Variants in FGF12 observed in about 807,000 individuals in gnomAD.
FGF12 encodes fibroblast growth factor 12B.
Under a neutral mutation model 23.6 loss-of-function variants are expected in FGF12, and 14 were observed. The ratio of observed to expected loss-of-function variants is 0.59; its 90% CI spans 0.39 to 0.93. The LOEUF is 0.93. Among genes scored for constraint, FGF12 ranks in the 40% least tolerant of loss-of-function variants. FGF12 has a pLI of 0.00. For missense variants in FGF12, 175 were observed against 217.8 expected (o/e 0.80, Z 1.24); for synonymous variants, 62 against 77.3 (o/e 0.80, Z 1.04).
intron 4 of FGF12, among the ~76,000 whole-genome samples, chr3:192,201,629 C>T (rs1717371847): frequency 6.6e-6 from 1 of 151,984 alleles, no homozygotes; most frequent in Non-Finnish European, 1.5e-5. Flanking sequence ...CTGTATACCA[C>T]CACCATCAGC....
At chr3:192,458,345 C>T (rs188973451) in intron 2 of FGF12, among the ~76,000 whole-genome samples, 10 of 152,322 alleles carry the variant, frequency 6.6e-5, no homozygotes, top group Non-Finnish European at 2.9e-5. Flanking sequence ...GCTGCAGACA[C>T]TCAATGCCAG....
chr3:192,424,087 A>C (rs1200057749), intron 2 of FGF12, among the ~76,000 whole-genome samples: 2 of 36,998 alleles, frequency 5.4e-5, no homozygotes, highest in Non-Finnish European at 1.6e-4. Flanking sequence ...TAAAGTCTTC[A>C]AAAAAAAAAA....
chr3:192,585,058 C>G (rs1404291643), intron 2 of FGF12, among the ~76,000 whole-genome samples: 4 of 152,234 alleles, frequency 2.6e-5, no homozygotes, highest in African/African-American at 9.6e-5. Context: ...CAGGTTTATT[C>G]TGCTGCATTC....
At chr3:192,590,720 T>C (rs1398323267) in intron 2 of FGF12, among the ~76,000 whole-genome samples, 1 of 151,958 alleles carries the variant, frequency 6.6e-6, no homozygotes, top group Non-Finnish European at 1.5e-5. Context: ...ATCTAGCAGA[T>C]AATCACATGG....
At chr3:192,306,479 A>G (rs1715657642) in intron 4 of FGF12, among the ~76,000 whole-genome samples, 1 of 152,144 alleles carries the variant, frequency 6.6e-6, no homozygotes, top group Non-Finnish European at 1.5e-5. Context: ...GAAGCGGGGC[A>G]TGGTGGCTCA....
chr3:192,690,417 G>A (rs1717904272), intron 2 of FGF12, among the ~76,000 whole-genome samples: 1 of 151,860 alleles, frequency 6.6e-6, no homozygotes, highest in South Asian at 2.1e-4. Flanking sequence ...ATAAAATGTG[G>A]GGAAATGGTA....
chr3:192,568,090 C>T (rs1712424997), intron 2 of FGF12, among the ~76,000 whole-genome samples: 1 of 152,054 alleles, frequency 6.6e-6, no homozygotes, highest in Non-Finnish European at 1.5e-5. Flanking sequence ...GCCTGGGCCT[C>T]CCAAAGTGCT....
chr3:192,685,060 T>C (rs1717682696), intron 2 of FGF12, among the ~76,000 whole-genome samples: 2 of 149,524 alleles, frequency 1.3e-5, no homozygotes, highest in Admixed American at 6.7e-5. Context: ...AGTTAGTATC[T>C]TTTTTTTTTG....
At chr3:192,598,686 A>G (rs1440578674) in intron 2 of FGF12, among the ~76,000 whole-genome samples, 1 of 152,244 alleles carries the variant, frequency 6.6e-6, no homozygotes, top group Non-Finnish European at 1.5e-5. Flanking sequence ...TGATAACCCT[A>G]GAGCACATGG....
At chr3:192,558,215 A>T (rs1711868287) in intron 2 of FGF12, among the ~76,000 whole-genome samples, 1 of 151,892 alleles carries the variant, frequency 6.6e-6, no homozygotes, top group Non-Finnish European at 1.5e-5. Context: ...AAAAACAGAG[A>T]TAATAAATTC....
chr3:192,608,478 C>A (rs1234310929), intron 2 of FGF12, among the ~76,000 whole-genome samples: 2 of 152,028 alleles, frequency 1.3e-5, no homozygotes, highest in African/African-American at 2.4e-5. Flanking sequence ...GGAATATGTA[C>A]CAAATTTGAC....
intron 2 of FGF12, among the ~76,000 whole-genome samples, chr3:192,539,561 A>C (rs1258224620): frequency 6.6e-6 from 1 of 151,978 alleles, no homozygotes; most frequent in Non-Finnish European, 1.5e-5. Context: ...TATTTTGTTG[A>C]TGGTTTTTGC....
intron 4 of FGF12, among the ~76,000 whole-genome samples, chr3:192,188,316 A>G (rs1284459990): frequency 6.6e-6 from 1 of 152,140 alleles, no homozygotes; most frequent in Non-Finnish European, 1.5e-5. Flanking sequence ...TTACAGGTTA[A>G]TGGGGATTAC....
intron 5 of FGF12, among the ~76,000 whole-genome samples, chr3:192,163,951 T>C (rs1715018357): frequency 6.6e-6 from 1 of 152,102 alleles, no homozygotes; most frequent in Non-Finnish European, 1.5e-5. Flanking sequence ...TCTCAAATGA[T>C]TCTTAGTTAT....
At chr3:192,346,934 T>G (rs1003531660) in intron 3 of FGF12, among the ~76,000 whole-genome samples, 1 of 152,076 alleles carries the variant, frequency 6.6e-6, no homozygotes, top group Non-Finnish European at 1.5e-5. Flanking sequence ...TGTATAACTT[T>G]GACTCAAAGT....
chr3:192,517,520 G>C (rs967876354), intron 2 of FGF12, among the ~76,000 whole-genome samples: 1 of 152,166 alleles, frequency 6.6e-6, no homozygotes, highest in Non-Finnish European at 1.5e-5. Flanking sequence ...TGATTCTTAT[G>C]ACCAGAGAGG....
chr3:192,239,282 A>G (rs1719471264), intron 4 of FGF12, among the ~76,000 whole-genome samples: 1 of 152,164 alleles, frequency 6.6e-6, no homozygotes, highest in Non-Finnish European at 1.5e-5. Flanking sequence ...AAACTTGTCC[A>G]TTTTGTTTGC....
intron 2 of FGF12, among the ~76,000 whole-genome samples, chr3:192,636,350 G>C (rs191798613): frequency 1.3e-5 from 2 of 152,252 alleles, no homozygotes; most frequent in African/African-American, 4.8e-5. Flanking sequence ...CATTTTGAGG[G>C]TTCAAATGCC....
At chr3:192,318,121 C>G (rs1038083220) in intron 4 of FGF12, among the ~76,000 whole-genome samples, 15 of 152,012 alleles carry the variant, frequency 9.9e-5, no homozygotes, top group African/African-American at 3.4e-4. Context: ...CAAAGTCCTC[C>G]GAAGGAGGAC....
Sources: allele counts gnomAD v4.1 joint callset (sites outside exome capture counted in the v4.1 genomes callset), GRCh38; gene constraint gnomAD v4.1.1; transcripts MANE v1.5; gene names NCBI Gene and HGNC (gene_info 2026-07-23, HGNC 2026-07-21).